Variants in RFX4 observed in about 807,000 individuals in gnomAD.
RFX4 encodes transcription factor RFX4.
RFX4 carries 10 observed loss-of-function variants against 95.0 expected under a neutral mutation model. The ratio of observed to expected loss-of-function variants is 0.11; its 90% confidence interval spans 0.06 to 0.18. The LOEUF is 0.18. Ranked by LOEUF, RFX4 falls within the 10% of genes least tolerant of loss-of-function variation. RFX4 has a pLI of 1.00. For synonymous variants in RFX4, 321 were observed against 340.7 expected (o/e 0.94, Z 0.64); for missense variants, 640 against 922.0 (o/e 0.69, Z 3.96).
chr12:106,583,624 G>T (rs994085711), intron 1 of RFX4: 7 of 358,898 alleles, frequency 2.0e-5, no homozygotes, highest in Non-Finnish European at 3.5e-5. Flanking sequence ...GCTTTCGCTT[G>T]CCCTGGACAC....
chr12:106,737,199 TTTTG>T (rs2042727106), intron 15 of RFX4, among the ~76,000 whole-genome samples: 2 of 113,514 alleles, frequency 1.8e-5, no homozygotes, highest in African/African-American at 4.0e-5. Context: ...TTTTTTTTTT[TTTTG>T]AGGACCAAAT....
intron 11 of RFX4, among the ~76,000 whole-genome samples, chr12:106,719,280 A>G (rs1046245023): frequency 3.9e-5 from 6 of 152,346 alleles, no homozygotes; most frequent in African/African-American, 1.4e-4. Flanking sequence ...TTAAGCACCT[A>G]CTACATGCCA....
At chr12:106,607,967 C>A (rs1016783070) in intron 1 of RFX4, among the ~76,000 whole-genome samples, 1 of 152,056 alleles carries the variant, frequency 6.6e-6, no homozygotes, top group African/African-American at 2.4e-5. Context: ...CCGAGGCAGG[C>A]GGATGGCCTG....
At chr12:106,654,429 A>G in intron 4 of RFX4, 78 bp downstream of exon 4, 1 of 1,497,870 alleles carries the variant, frequency 6.7e-7, no homozygotes, top group Non-Finnish European at 8.9e-7. Context: ...AAAGCATTTT[A>G]GTTATTTTTT....
chr12:106,624,855 G>C (rs563010394), intron 2 of RFX4, among the ~76,000 whole-genome samples: 3 of 152,054 alleles, frequency 2.0e-5, no homozygotes, highest in African/African-American at 7.2e-5. Flanking sequence ...AAAAATTAAC[G>C]ATTGGCTATT....
intron 15 of RFX4, chr12:106,733,363 C>T (rs1426061965): frequency 3.3e-6 from 1 of 305,408 alleles, no homozygotes; most frequent in Non-Finnish European, 6.1e-6. Flanking sequence ...TCTTCTCCCA[C>T]AATCTCCAAA....
chr12:106,750,691 C>A lies in RFX4; in HGVS notation c.1833C>A (p.Asn611Lys), dbSNP rs748968926. ...TGSYNYGSYG[N>K]QHPHPMQSQY... ...GCTATAACTATGGGAGCTATGGCAA[C>A]CAGCATCCTCACCCCATGCAGAGCC... The change falls in exon 17 of 18, where the codon AAC (asparagine) becomes AAA (lysine). Residue 611 changes from asparagine (N) to lysine (K), a missense_variant. This residue lies in a region of RFX4 where 300 missense variants were observed against 346.8 expected (regional missense o/e 0.87). Transcript: ENST00000392842. The A allele has an allele frequency of 6.2e-7, 1 of 1,609,636 alleles. No individual in the cohort carries two copies. The highest frequency in any genetic ancestry group is 1.1e-5 in the South Asian group (1 of 90,478).
At chr12:106,698,166 G>T (rs979641307) in intron 8 of RFX4, among the ~76,000 whole-genome samples, 1 of 152,018 alleles carries the variant, frequency 6.6e-6, no homozygotes, top group East Asian at 1.9e-4. Context: ...TAGAGACGGG[G>T]TTTCACCATG....
At chr12:106,718,346 A>G (rs140144898) in intron 11 of RFX4, among the ~76,000 whole-genome samples, 404 of 152,352 alleles carry the variant, frequency 2.7e-3, no homozygotes, top group African/African-American at 9.3e-3. Flanking sequence ...TACACAGTCT[A>G]GTGTTAGCAT....
At chr12:106,700,366 A>T (rs1314035171) in intron 8 of RFX4, among the ~76,000 whole-genome samples, 2 of 147,120 alleles carry the variant, frequency 1.4e-5, no homozygotes, top group African/African-American at 5.0e-5. Context: ...CTTAAAAAAA[A>T]TTTACTAGTT....
Position 106,732,220 on chromosome 12 carries a change from T to G in RFX4, c.1442T>G (p.Met481Arg), listed in dbSNP as rs757861995. The change falls in exon 14 of 18, where the codon ATG (methionine) becomes AGG (arginine). Residue 481 changes from methionine (M) to arginine (R), a missense_variant. By Grantham distance (91) the Met-to-Arg change is moderately conservative. Transcript: ENST00000392842. Reference protein sequence around the residue: ...LHCQERANELMRAMKGEGSTA... With the variant: ...LHCQERANELRRAMKGEGSTA... ...TGTCAGGAGCGGGCCAATGAGCTCA[T>G]GCGAGCCATGAAGGGAGAAGGAAGC... 6.2e-7 allele frequency: 1 copy of G among 1,614,048 alleles called. No individual in the cohort carries two copies. The highest frequency in any genetic ancestry group is 8.5e-7 in the Non-Finnish European group (1 of 1,179,924).
chr12:106,640,060 A>G (rs1422597160), intron 3 of RFX4, among the ~76,000 whole-genome samples: 1 of 152,242 alleles, frequency 6.6e-6, no homozygotes, highest in East Asian at 1.9e-4. Flanking sequence ...ATGACGGGGA[A>G]GGAAAGAGAA....
intron 13 of RFX4, among the ~76,000 whole-genome samples, chr12:106,725,143 T>C (rs2042469230): frequency 6.6e-6 from 1 of 152,184 alleles, no homozygotes; most frequent in Non-Finnish European, 1.5e-5. Flanking sequence ...ATTATGTTTA[T>C]GGATTTTGCA....
intron 6 of RFX4, among the ~76,000 whole-genome samples, chr12:106,688,358 G>A (rs1351128930): frequency 3.3e-5 from 5 of 152,112 alleles, no homozygotes; most frequent in Middle Eastern, 3.4e-3. Context: ...GTGAGCCACC[G>A]GGCCCAGTCG....
intron 8 of RFX4, among the ~76,000 whole-genome samples, chr12:106,705,877 C>T (rs113683415): frequency 0.011 from 1,692 of 152,278 alleles, 38 homozygotes; most frequent in African/African-American, 0.039. Context: ...ATGCTAGGTA[C>T]TGAGGATACA....
intron 3 of RFX4, among the ~76,000 whole-genome samples, chr12:106,641,967 C>CTATATCTATATCTATATCTA (rs371927014): frequency 2.2e-5 from 3 of 134,994 alleles, no homozygotes; most frequent in African/African-American, 5.8e-5. Flanking sequence ...ATATCTATAT[C>CTATATCTATATCTATATCTA]TATCTATATC....
At chr12:106,719,443 G>A (rs997590264) in intron 11 of RFX4, among the ~76,000 whole-genome samples, 8 of 152,158 alleles carry the variant, frequency 5.3e-5, no homozygotes, top group African/African-American at 1.7e-4. Flanking sequence ...CACAGATAAT[G>A]CACCAGCTAA....
In RFX4 at chr12:106,618,820, T is replaced by A. The variant is rs540508499; in HGVS notation, c.130+9937T>A. 9.8e-5 allele frequency among the ~76,000 whole-genome samples: 15 copies of A among 152,286 alleles called. No individual in the cohort carries two copies. The South Asian group carries it at 2.9e-3, about 29-fold the overall frequency. On this transcript the variant is annotated intron_variant, in intron 2 of 17. Coordinates refer to ENST00000392842, the MANE Select transcript of RFX4 (RefSeq NM_213594.3). ...CCATCTGTCTTTATTCCTTTATTCT[T>A]ACTTTTTAGCTTTTTGGGAAGGGAT...
chr12:106,710,375 G>A (rs1429802199), intron 9 of RFX4, among the ~76,000 whole-genome samples: 3 of 152,110 alleles, frequency 2.0e-5, no homozygotes, highest in African/African-American at 7.2e-5. Flanking sequence ...TTCTTTTCAT[G>A]AGCACTAAAT....
Sources: gnomAD v4.1 joint callset for allele counts (sites outside exome capture counted in the v4.1 genomes callset) on GRCh38, gnomAD v4.1.1 for gene constraint, gnomAD v4.1.1 regional missense constraint, MANE v1.5 for transcripts, NCBI Gene and HGNC (gene_info 2026-07-23, HGNC 2026-07-21) for gene names.